Variants in IP6K1 observed in about 807,000 individuals in gnomAD.
IP6K1 encodes ATP:1D-myo-inositol-hexakisphosphate phosphotransferase.
Under a neutral mutation model 38.3 loss-of-function variants are expected in IP6K1, and 13 were observed. The ratio of observed to expected loss-of-function variants is 0.34; its 90% CI spans 0.22 to 0.54. The LOEUF (loss-of-function observed/expected upper bound fraction) is 0.54, where lower values mean the gene tolerates loss of function less well. IP6K1 is among the 20% of genes least tolerant of loss of function. The probability of loss-of-function intolerance (pLI) is 0.92; values close to 1 mark genes in which losing one functional copy is unlikely to be tolerated. For missense variants in IP6K1, 397 were observed against 599.8 expected (o/e 0.66, Z 3.53); for synonymous variants, 212 against 229.9 (o/e 0.92, Z 0.70).
chr3:49,747,706 T>G, intron 2 of IP6K1, 112 bp downstream of exon 2: 1 of 1,411,600 alleles, frequency 7.1e-7, no homozygotes, highest in Non-Finnish European at 9.6e-7. Context: ...CTTCGTGCTT[T>G]GAGAAAAAAG....
chr3:49,730,444 G>A (rs2080552683), intron 4 of IP6K1, among the ~76,000 whole-genome samples: 1 of 152,180 alleles, frequency 6.6e-6, no homozygotes, highest in South Asian at 2.1e-4. Flanking sequence ...CCTTGCCCAG[G>A]CCTAAGAAAT....
intron 1 of IP6K1, among the ~76,000 whole-genome samples, chr3:49,759,181 A>C (rs2080848608): frequency 6.6e-6 from 1 of 152,222 alleles, no homozygotes; most frequent in African/African-American, 2.4e-5. Flanking sequence ...GGCACTAAAA[A>C]TCAGATATGG....
chr3:49,740,543 T>A (rs2080657960), intron 2 of IP6K1, among the ~76,000 whole-genome samples: 1 of 152,212 alleles, frequency 6.6e-6, no homozygotes, highest in Non-Finnish European at 1.5e-5. Flanking sequence ...TAACCAAATC[T>A]ACTTTCTATC....
intron 1 of IP6K1, among the ~76,000 whole-genome samples, chr3:49,755,188 C>T (rs1376196718): frequency 3.4e-5 from 5 of 148,510 alleles, no homozygotes; most frequent in East Asian, 2.0e-4. Context: ...CCACTTGTCT[C>T]GGCCTCCCAA....
chr3:49,772,313 T>TA (rs2080967472), intron 1 of IP6K1, among the ~76,000 whole-genome samples: 1 of 147,598 alleles, frequency 6.8e-6, no homozygotes, highest in African/African-American at 2.5e-5. Context: ...CTTAATATAT[T>TA]TTATATATAT....
In IP6K1 at chr3:49,775,435, T is replaced by C. The variant is rs1406640081; in HGVS notation, c.-129+10919A>G. The C allele has an allele frequency of 2.4e-5, 11 of 466,196 alleles. No individual in the cohort carries two copies. In the East Asian group the frequency reaches 4.4e-4, roughly 19 times the overall value. 28.9% of individuals were successfully genotyped at this position (466,196 alleles called of 1,614,324 possible). On this transcript the variant is annotated intron_variant, in intron 1 of 5. Transcript: ENST00000321599. ...GTGCTATGTGATGAGTGTAACTACG[T>C]ATCTTAGCAGGGGTGCCGTGTGATC...
At chr3:49,761,663 T>C (rs572310909) in intron 1 of IP6K1, among the ~76,000 whole-genome samples, 1 of 150,168 alleles carries the variant, frequency 6.7e-6, no homozygotes, top group African/African-American at 2.4e-5. Context: ...ATTAACAACT[T>C]AGAAAAAAGG....
chr3:49,731,463 T>C (rs1383823500), intron 4 of IP6K1, among the ~76,000 whole-genome samples: 1 of 152,168 alleles, frequency 6.6e-6, no homozygotes, highest in Non-Finnish European at 1.5e-5. Context: ...TGGTAAAATA[T>C]GGAGGAGGCT....
At chr3:49,771,056 G>GCTTATGATCTTAGT in intron 1 of IP6K1, among the ~76,000 whole-genome samples, 1 of 151,430 alleles carries the variant, frequency 6.6e-6, no homozygotes, top group South Asian at 2.1e-4. Context: ...GAGTTAGAGG[G>GCTTATGATCTTAGT]TACACTAAGT....
At position 49,778,260 on chromosome 3, in the gene IP6K1, G is replaced by A. The variant is rs553037992; in HGVS notation, c.-129+8094C>T. 1.2e-3 allele frequency among the ~76,000 whole-genome samples: 181 copies of A among 151,934 alleles called. 1 individual carries two copies. The highest frequency in any genetic ancestry group is 4.2e-3 in the African/African-American group (175 of 41,420). On this transcript the variant is annotated intron_variant, in intron 1 of 5. Transcript: ENST00000321599. The stretch of plus-strand genomic sequence containing the variant: ...GAATCACTTGAACCCTGGAGGTGGA[G>A]GTTGCAGTGAACTGAGATCGCGCCA...
intron 2 of IP6K1, among the ~76,000 whole-genome samples, chr3:49,747,497 G>T (rs2080731293): frequency 6.6e-6 from 1 of 152,148 alleles, no homozygotes; most frequent in Non-Finnish European, 1.5e-5. Context: ...CCGCCTCCGG[G>T]ACGAGAGAAA....
chr3:49,728,028 A>G, intron 5 of IP6K1, 75 bp downstream of exon 5: 1 of 1,457,624 alleles, frequency 6.9e-7, no homozygotes, highest in South Asian at 1.2e-5. Context: ...CACTTGGCAT[A>G]GATGGCAGGC....
intron 1 of IP6K1, among the ~76,000 whole-genome samples, chr3:49,772,051 AT>A (rs1362648109): frequency 1.3e-5 from 2 of 151,592 alleles, no homozygotes; most frequent in Non-Finnish European, 2.9e-5. Flanking sequence ...TCTACAGAAA[AT>A]TTTTTTAATT....
intron 1 of IP6K1, among the ~76,000 whole-genome samples, chr3:49,784,516 G>A (rs1014046087): frequency 1.3e-5 from 2 of 152,026 alleles, no homozygotes; most frequent in African/African-American, 4.8e-5. Flanking sequence ...ATGGTGGCAC[G>A]CACCTGTAAT....
rs539567144 is a variant in IP6K1, at chr3:49,767,562, G to C, written c.-129+18792C>G. On this transcript the variant is annotated intron_variant, in intron 1 of 5. Coordinates refer to ENST00000321599, the MANE Select transcript of IP6K1 (RefSeq NM_153273.4). The stretch of plus-strand genomic sequence containing the variant: ...CCACTGCACTCCAGGCTAGGTGACA[G>C]AGTGAGACTCCATCTCAAAAAATAA... 2.0e-5 allele frequency among the ~76,000 whole-genome samples: 3 copies of C among 151,624 alleles called. No homozygotes were observed. The South Asian group carries it at 6.3e-4, about 32-fold the overall frequency.
rs1314241815 is a variant in IP6K1 at position 49,738,358 on chromosome 3, A to G, written c.288T>C (p.Tyr96=). Residue 96 remains tyrosine (Y), a synonymous_variant, in exon 3 of 6, where the codon TAT becomes TAC. Coordinates refer to ENST00000321599, the MANE Select transcript of IP6K1 (RefSeq NM_153273.4). Reference sequence around the variant, plus strand: ...CCTGTTCCACAGTCTCACTTTCCACATAAGGATAGGCCACTAAGTTGATGT... The same window carrying G: ...CCTGTTCCACAGTCTCACTTTCCACGTAAGGATAGGCCACTAAGTTGATGT... ...DGYINLVAYP[Y]VESETVEQDD... The G allele has an allele frequency of 1.2e-6, 2 of 1,614,162 alleles. No homozygotes were observed. The highest frequency in any genetic ancestry group is 1.7e-5 in the Admixed American group (1 of 60,016).
At chr3:49,747,031 G>A (rs1448829325) in intron 2 of IP6K1, among the ~76,000 whole-genome samples, 1 of 152,114 alleles carries the variant, frequency 6.6e-6, no homozygotes, top group Non-Finnish European at 1.5e-5. Context: ...TTAAAATGGT[G>A]AATGTTATGT....
rs1483650417 is a variant in IP6K1, at chr3:49,736,417, T to C, written c.434+1795A>G. ...ACAGAAAGCAACCACTAACCTACCT[T>C]TTCTCTCTATAGATTTGCCTGATGT... On this transcript the variant is annotated intron_variant, in intron 3 of 5. Coordinates refer to ENST00000321599, the MANE Select transcript of IP6K1 (RefSeq NM_153273.4). Among the ~76,000 whole-genome samples, 3 of 152,124 alleles carry C rather than the reference T, an allele frequency of 2.0e-5. No individual in the cohort carries two copies. In the East Asian group the frequency reaches 5.8e-4, roughly 29 times the overall value.
intron 1 of IP6K1, among the ~76,000 whole-genome samples, chr3:49,773,550 G>GCAGTGAGC (rs2080978170): frequency 2.6e-5 from 4 of 152,306 alleles, no homozygotes; most frequent in South Asian, 2.1e-4. Context: ...GGCGGAGCCT[G>GCAGTGAGC]CAGTGAGCCA....
Sources: gnomAD v4.1 joint callset for allele counts (sites outside exome capture counted in the v4.1 genomes callset) on GRCh38, gnomAD v4.1.1 for gene constraint, MANE v1.5 for transcripts, NCBI Gene and HGNC (gene_info 2026-07-23, HGNC 2026-07-21) for gene names.